CERS6: variants seen among roughly 807,000 people sequenced by gnomAD.
The protein encoded by CERS6 is ceramide synthase 6, also known as LAG1 homolog, ceramide synthase 6.
In CERS6, 26 loss-of-function variants were observed where a neutral mutation model predicts 56.8. That is an observed-to-expected ratio of 0.46 (90% CI 0.34 to 0.63). CERS6 has a LOEUF of 0.63. CERS6 is among the 30% of genes least tolerant of loss of function. CERS6 has a pLI of 0.01. For synonymous variants in CERS6, 164 were observed against 173.3 expected (o/e 0.95, Z 0.42); for missense variants, 415 against 467.5 (o/e 0.89, Z 1.04).
At chr2:168,589,373 G>T (rs1433929407) in intron 3 of CERS6, among the ~76,000 whole-genome samples, 2 of 152,174 alleles carry the variant, frequency 1.3e-5, no homozygotes, top group African/African-American at 4.8e-5. Flanking sequence ...GAGGAAACAG[G>T]TATAAAGGTG....
chr2:168,660,592 C>CT (rs1685604647), intron 4 of CERS6, among the ~76,000 whole-genome samples: 1 of 151,726 alleles, frequency 6.6e-6, no homozygotes, highest in Non-Finnish European at 1.5e-5. Context: ...CTACCTGTGA[C>CT]TTTTTAAATA....
chr2:168,598,205 G>T (rs1683847904), intron 3 of CERS6, among the ~76,000 whole-genome samples: 1 of 152,120 alleles, frequency 6.6e-6, no homozygotes, highest in East Asian at 1.9e-4. Context: ...TCTCAAACTG[G>T]CATTGATTGA....
chr2:168,594,173 T>C (rs1404361241), intron 3 of CERS6, among the ~76,000 whole-genome samples: 1 of 152,220 alleles, frequency 6.6e-6, no homozygotes, highest in Non-Finnish European at 1.5e-5. Context: ...ATTATACTTA[T>C]AAGAGTTATT....
chr2:168,681,278 A>G (rs561041609), intron 4 of CERS6, among the ~76,000 whole-genome samples: 1 of 152,236 alleles, frequency 6.6e-6, no homozygotes, highest in African/African-American at 2.4e-5. Context: ...CTCTCATTCT[A>G]CTTTCTCTTA....
chr2:168,536,176 A>T (rs189121297), intron 1 of CERS6, among the ~76,000 whole-genome samples: 2 of 152,210 alleles, frequency 1.3e-5, no homozygotes, highest in Non-Finnish European at 2.9e-5. Context: ...TTAGTGGTCA[A>T]CCTAAATAAT....
rs915934903 is a variant in CERS6 at position 168,510,005 on chromosome 2, A to G, written c.171-37591A>G. Among the ~76,000 whole-genome samples, 3 of 152,302 alleles carry G rather than the reference A, an allele frequency of 2.0e-5. No individual in the cohort carries two copies. The East Asian group carries it at 5.8e-4, about 29-fold the overall frequency. On this transcript the variant is annotated intron_variant, in intron 1 of 9. Coordinates refer to ENST00000305747, the MANE Select transcript of CERS6 (RefSeq NM_203463.3). The stretch of plus-strand genomic sequence containing the variant: ...CCTTATGTATAAAAAGCAGGTAACA[A>G]TAACATGCCCAAAAAATATAATCAC...
intron 1 of CERS6, among the ~76,000 whole-genome samples, chr2:168,534,138 T>C (rs374522856): frequency 1.3e-5 from 2 of 152,220 alleles, no homozygotes; most frequent in African/African-American, 2.4e-5. Context: ...TCAAGGTTCT[T>C]AGTTTCTTTG....
At chr2:168,462,376 C>T (rs1215785669) in intron 1 of CERS6, among the ~76,000 whole-genome samples, 2 of 152,084 alleles carry the variant, frequency 1.3e-5, no homozygotes, top group African/African-American at 2.4e-5. Context: ...TTCATATTAG[C>T]AATGCCTTGA....
At chr2:168,693,798 A>G (rs1374669700) in intron 5 of CERS6, among the ~76,000 whole-genome samples, 1 of 152,168 alleles carries the variant, frequency 6.6e-6, no homozygotes. Context: ...ATTAGGCTTC[A>G]TCATATGAAT....
chr2:168,527,808 C>A (rs1337837416), intron 1 of CERS6, among the ~76,000 whole-genome samples: 1 of 152,146 alleles, frequency 6.6e-6, no homozygotes, highest in Non-Finnish European at 1.5e-5. Flanking sequence ...GTACCCTCCA[C>A]CTCCCAGGCT....
At chr2:168,588,685 A>G (rs951382102) in intron 3 of CERS6, among the ~76,000 whole-genome samples, 4 of 152,194 alleles carry the variant, frequency 2.6e-5, no homozygotes, top group African/African-American at 7.2e-5. Context: ...CCTCTTGGCT[A>G]CTATGAATAA....
At chr2:168,497,369 CAATA>C (rs745716623) in intron 1 of CERS6, among the ~76,000 whole-genome samples, 21 of 146,746 alleles carry the variant, frequency 1.4e-4, no homozygotes, top group African/African-American at 3.0e-4. Context: ...AATACCACAG[CAATA>C]AATAAATAAA....
intron 2 of CERS6, among the ~76,000 whole-genome samples, chr2:168,555,992 A>G (rs1695672141): frequency 6.6e-6 from 1 of 152,116 alleles, no homozygotes; most frequent in Admixed American, 6.5e-5. Context: ...TGAATATTTA[A>G]GATGTACAAT....
chr2:168,512,431 A>G (rs1327858689), intron 1 of CERS6, among the ~76,000 whole-genome samples: 1 of 152,042 alleles, frequency 6.6e-6, no homozygotes, highest in African/African-American at 2.4e-5. Context: ...TATTTTTAAA[A>G]CCACTTCATC....
intron 3 of CERS6, among the ~76,000 whole-genome samples, chr2:168,567,707 C>T (rs778969052): frequency 2.6e-5 from 4 of 152,224 alleles, no homozygotes; most frequent in Non-Finnish European, 5.9e-5. Context: ...AGAATATCGT[C>T]TCCTAGTGCT....
intron 6 of CERS6, among the ~76,000 whole-genome samples, chr2:168,698,236 G>GAAAAAAAAA (rs1214508784): frequency 8.0e-6 from 1 of 124,992 alleles, no homozygotes. Flanking sequence ...TGTCTCACAG[G>GAAAAAAAAA]AAAAAAAAAA....
intron 4 of CERS6, among the ~76,000 whole-genome samples, chr2:168,685,943 T>C (rs1185447537): frequency 1.3e-5 from 2 of 151,532 alleles, no homozygotes; most frequent in African/African-American, 4.9e-5. Context: ...TGGCCTGTCT[T>C]AGTGTTATTC....
chr2:168,565,513 A>G (rs1020497818), intron 3 of CERS6, among the ~76,000 whole-genome samples: 5 of 152,230 alleles, frequency 3.3e-5, no homozygotes, highest in Non-Finnish European at 7.3e-5. Flanking sequence ...TAAAGGATCT[A>G]TATAATTTTT....
chr2:168,747,405 AT>A (rs1346346387), intron 8 of CERS6, among the ~76,000 whole-genome samples: 2 of 152,132 alleles, frequency 1.3e-5, no homozygotes, highest in African/African-American at 4.8e-5. Context: ...CACTATAGAT[AT>A]GGATTTTTAA....
Sources: allele counts gnomAD v4.1 joint callset (sites outside exome capture counted in the v4.1 genomes callset), GRCh38; gene constraint gnomAD v4.1.1; transcripts MANE v1.5; gene names NCBI Gene and HGNC (gene_info 2026-07-23, HGNC 2026-07-21).